OIT3: variants seen among roughly 807,000 people sequenced by gnomAD.
The protein encoded by OIT3 is oncoprotein induced transcript 3.
Under a neutral mutation model 52.2 loss-of-function variants are expected in OIT3, and 41 were observed. That is an observed-to-expected ratio of 0.79 (90% CI 0.61 to 1.02). The LOEUF (loss-of-function observed/expected upper bound fraction) is 1.02. Among genes scored for constraint, OIT3 ranks in the 50% least tolerant of loss-of-function variants. The pLI is 0.00. For synonymous variants in OIT3, 244 were observed against 276.9 expected, an observed-to-expected ratio of 0.88 and a Z score of 1.18; for missense variants, 634 against 715.5, an observed-to-expected ratio of 0.89 and a Z score of 1.30.
rs978837260 is a variant in OIT3, at chr10:72,898,791, G to A, written c.189G>A (p.Thr63=). The part of the protein sequence containing the change: ...NHVNGEWYHF[T]GMAGDAMPTF... ...TGAATGGGGAGTGGTACCACTTCAC[G>A]GGCATGGCGGGAGATGCCATGCCTA... Residue 63 remains threonine (T), a synonymous_variant, in exon 2 of 9, where the codon ACG becomes ACA. Coordinates refer to ENST00000334011, the MANE Select transcript of OIT3 (RefSeq NM_152635.3). 6.2e-6 allele frequency: 10 copies of A among 1,613,998 alleles called. No homozygotes were observed. The highest frequency in any genetic ancestry group is 4.4e-5 in the South Asian group (4 of 91,084).
chr10:72,899,750 TAGATAGATGATA>T (rs1349007189), intron 2 of OIT3, among the ~76,000 whole-genome samples: 5 of 139,756 alleles, frequency 3.6e-5, no homozygotes, highest in African/African-American at 1.1e-4. Context: ...GATAGATAGA[TAGATAGATGATA>T]GATAGATAAT....
chr10:72,913,414 C>T lies in OIT3; in HGVS notation c.897C>T (p.Asn299=), dbSNP rs117161702. ...ACACCTCCTGCCGAGGAGTGTCCAA[C>T]GGCACCCATGTCAACATCCTCTTCT... ...LTNTSCRGVS[N]GTHVNILFSL... is the part of the protein sequence containing the mutation. The change falls in exon 6 of 9, where the codon AAC becomes AAT. Residue 299 remains asparagine, a synonymous_variant. Coordinates refer to ENST00000334011, the MANE Select transcript of OIT3 (RefSeq NM_152635.3). 12 of 1,613,478 alleles carry T rather than the reference C, an allele frequency of 7.4e-6. No homozygotes were observed. In the Middle Eastern group the frequency reaches 5.0e-4, roughly 67 times the overall value.
intron 6 of OIT3, chr10:72,918,580 A>G (rs1269287868): frequency 1.2e-6 from 1 of 841,826 alleles, no homozygotes; most frequent in Non-Finnish European, 2.0e-6. Flanking sequence ...GGATGGAGAT[A>G]AACCACCACT....
chr10:72,930,695 T>C (rs1846209303), intron 8 of OIT3, 58 bp downstream of exon 8: 1 of 1,033,870 alleles, frequency 9.7e-7, no homozygotes, highest in Non-Finnish European at 1.5e-6. Flanking sequence ...TTTTTTTTTT[T>C]TGGTGTCCCA....
At position 72,932,443 on chromosome 10, in the gene OIT3, TGGGGCA is replaced by T; in HGVS notation, c.1560_1565del (p.Ala521_Gly522del). The stretch of plus-strand genomic sequence containing the variant: ...AGGGTTGCCACCGGCGAATGCGTCG[TGGGGCA>T]GGAGGAGAGGACTCAGCCGGTCTAC... On this transcript the variant is annotated inframe_deletion, in exon 9 of 9. Transcript: ENST00000334011. 1 of 1,614,138 alleles carries T rather than the reference TGGGGCA, an allele frequency of 6.2e-7. No individual in the cohort carries two copies. Among genetic ancestry groups the T allele is most frequent in the Non-Finnish European group, 8.5e-7 (1 of 1,179,976 alleles).
At chr10:72,910,227 T>G (rs1846017736) in intron 4 of OIT3, among the ~76,000 whole-genome samples, 5 of 152,164 alleles carry the variant, frequency 3.3e-5, no homozygotes, top group Admixed American at 3.3e-4. Flanking sequence ...GAAGGTAACT[T>G]TTAAGGAAAA....
Position 72,928,761 on chromosome 10 carries a change from T to C in OIT3, c.1368-1777T>C, listed in dbSNP as rs898660789. Among the ~76,000 whole-genome samples, 3 of 152,200 alleles carry C rather than the reference T, an allele frequency of 2.0e-5. No homozygotes were observed. In the East Asian group the frequency reaches 5.8e-4, roughly 29 times the overall value. On this transcript the variant is annotated intron_variant, in intron 7 of 8. Coordinates refer to ENST00000334011, the MANE Select transcript of OIT3 (RefSeq NM_152635.3). ...AGGAAAATAAAAATGAGTAAATAAA[T>C]ACAAGAAATAACAGAAACCACATTA...
At chr10:72,911,877 T>C (rs1268267635) in intron 5 of OIT3, 38 bp downstream of exon 5, 12 of 1,571,880 alleles carry the variant, frequency 7.6e-6, no homozygotes, top group Non-Finnish European at 1.0e-5. Flanking sequence ...TCTACTCTGA[T>C]TACACTTCTT....
chr10:72,905,870 A>T (rs1397083676), intron 3 of OIT3, among the ~76,000 whole-genome samples: 1 of 152,172 alleles, frequency 6.6e-6, no homozygotes, highest in Non-Finnish European at 1.5e-5. Context: ...TCCTGGGGCC[A>T]AGGTCATGCC....
chr10:72,903,419 G>A (rs181391551), intron 3 of OIT3, among the ~76,000 whole-genome samples: 73 of 152,230 alleles, frequency 4.8e-4, no homozygotes, highest in Admixed American at 4.3e-3. Context: ...GTAGAGACAG[G>A]GTTTCACCAT....
At chr10:72,910,642 A>C (rs1473045755) in intron 4 of OIT3, among the ~76,000 whole-genome samples, 1 of 152,246 alleles carries the variant, frequency 6.6e-6, no homozygotes, top group Non-Finnish European at 1.5e-5. Context: ...CTTTTTAAAA[A>C]CTATTATTGA....
intron 3 of OIT3, among the ~76,000 whole-genome samples, chr10:72,901,725 G>A (rs141962191): frequency 1.9e-4 from 29 of 152,190 alleles, no homozygotes; most frequent in African/African-American, 7.0e-4. Flanking sequence ...GTAGCTTCTT[G>A]TTTTAGAAAA....
chr10:72,902,295 T>C (rs1845941270), intron 3 of OIT3, among the ~76,000 whole-genome samples: 1 of 152,180 alleles, frequency 6.6e-6, no homozygotes, highest in African/African-American at 2.4e-5. Context: ...CCAGGAGTTG[T>C]TCATGCATTT....
intron 4 of OIT3, among the ~76,000 whole-genome samples, chr10:72,908,869 A>C (rs2132933913): frequency 6.6e-6 from 1 of 151,780 alleles, no homozygotes; most frequent in Admixed American, 6.6e-5. Context: ...TAGTCCAAAC[A>C]TATATGTTTC....
At chr10:72,909,883 C>G (rs554057812) in intron 4 of OIT3, among the ~76,000 whole-genome samples, 2 of 152,256 alleles carry the variant, frequency 1.3e-5, no homozygotes, top group Admixed American at 1.3e-4. Context: ...TGACCTCACA[C>G]GATCCACCTG....
intron 4 of OIT3, among the ~76,000 whole-genome samples, chr10:72,909,834 G>A (rs1846014649): frequency 6.6e-6 from 1 of 151,686 alleles, no homozygotes; most frequent in Non-Finnish European, 1.5e-5. Context: ...TCCTGACCTC[G>A]TGTTCTTTCA....
chr10:72,915,320 T>C (rs1248908086), intron 6 of OIT3, among the ~76,000 whole-genome samples: 1 of 152,212 alleles, frequency 6.6e-6, no homozygotes, highest in Non-Finnish European at 1.5e-5. Context: ...GAGTTTAAGC[T>C]ACAGTTGATT....
At chr10:72,910,079 T>C (rs777474780) in intron 4 of OIT3, among the ~76,000 whole-genome samples, 30 of 152,348 alleles carry the variant, frequency 2.0e-4, no homozygotes, top group South Asian at 4.1e-4. Flanking sequence ...GACTTAAATA[T>C]TTTAAGCTAA....
At chr10:72,927,931 T>A (rs1193184803) in intron 7 of OIT3, among the ~76,000 whole-genome samples, 6 of 152,178 alleles carry the variant, frequency 3.9e-5, no homozygotes, top group Non-Finnish European at 5.9e-5. Context: ...TTTTTCTTCT[T>A]CCTCAATTCC....
Sources: allele counts gnomAD v4.1 joint callset (sites outside exome capture counted in the v4.1 genomes callset), GRCh38; gene constraint gnomAD v4.1.1; transcripts MANE v1.5; gene names NCBI Gene and HGNC (gene_info 2026-07-23, HGNC 2026-07-21).